The following MEF2C variants were observed in gnomAD, a reference collection of about 807,000 sequenced individuals.
MEF2C encodes myocyte-specific enhancer factor 2C.
Under a neutral mutation model 50.5 loss-of-function variants are expected in MEF2C, and 6 were observed. The ratio of observed to expected loss-of-function variants is 0.12; its 90% CI spans 0.07 to 0.23. The LOEUF (loss-of-function observed/expected upper bound fraction) is 0.23, where lower values mean the gene tolerates loss of function less well. Ranked by LOEUF, MEF2C falls within the 10% of genes least tolerant of loss-of-function variation. The pLI is 1.00. For synonymous variants in MEF2C, 183 were observed against 228.0 expected (o/e 0.80, Z 1.78); for missense variants, 276 against 605.0 (o/e 0.46, Z 5.70).
intron 2 of MEF2C, among the ~76,000 whole-genome samples, chr5:88,810,157 A>G (rs1160656154): frequency 2.0e-5 from 3 of 152,114 alleles, no homozygotes; most frequent in Non-Finnish European, 2.9e-5. Flanking sequence ...TTTATGTTAG[A>G]GTAGATGCTT....
intron 3 of MEF2C, among the ~76,000 whole-genome samples, chr5:88,788,745 A>G (rs971164709): frequency 5.9e-5 from 9 of 152,212 alleles, no homozygotes; most frequent in African/African-American, 2.2e-4. Flanking sequence ...ATGCAGATCT[A>G]TGTCTTTTCA....
At chr5:88,869,296 C>CATATATATATATATATATAT (rs1561421061) in intron 1 of MEF2C, among the ~76,000 whole-genome samples, 9 of 104,844 alleles carry the variant, frequency 8.6e-5, no homozygotes, top group East Asian at 7.8e-4. Flanking sequence ...TATATATATA[C>CATATATATATATATATATAT]ACATATATAT....
chr5:88,775,772 T>C (rs1784466513), intron 3 of MEF2C: 1 of 973,784 alleles, frequency 1.0e-6, no homozygotes, highest in Non-Finnish European at 1.2e-6. Flanking sequence ...ACCTTGGATT[T>C]CACATGATGC....
At chr5:88,874,648 A>G (rs963961029) in intron 1 of MEF2C, among the ~76,000 whole-genome samples, 1 of 151,910 alleles carries the variant, frequency 6.6e-6, no homozygotes, top group African/African-American at 2.4e-5. Context: ...ACAGAAAAAT[A>G]AATGCTTGAT....
intron 1 of MEF2C, among the ~76,000 whole-genome samples, chr5:88,864,468 C>T (rs547046661): frequency 6.6e-6 from 1 of 151,616 alleles, no homozygotes; most frequent in South Asian, 2.1e-4. Context: ...GGGAGTGGAA[C>T]TTGGGCATTG....
rs536707985 is a variant in MEF2C, at chr5:88,717,851, AG to A, written c.*4752del. ...TAGAAATTACTTCGAAGAAGAAAAA[AG>A]GAACTCTTTTGGAAACACTTTCTAC... is the stretch of plus-strand genomic sequence containing the variant. On this transcript the variant is annotated 3_prime_UTR_variant, in exon 11 of 11. Coordinates refer to ENST00000504921, the MANE Select transcript of MEF2C (RefSeq NM_002397.5). 89 of 152,348 alleles carry A rather than the reference AG, an allele frequency of 5.8e-4. No homozygotes were observed. The highest frequency in any genetic ancestry group is 2.1e-3 in the African/African-American group (87 of 41,594). The allele number at this position is 152,348 out of a possible 1,614,324, so 9.4% of individuals were successfully genotyped here.
intron 6 of MEF2C, among the ~76,000 whole-genome samples, chr5:88,746,035 G>C (rs145404679): frequency 2.0e-5 from 3 of 152,218 alleles, no homozygotes; most frequent in Non-Finnish European, 2.9e-5. Context: ...CCGGGTTCTT[G>C]ATAGCAGTGG....
At chr5:88,732,843 C>T (rs924075661) in intron 6 of MEF2C, among the ~76,000 whole-genome samples, 1 of 152,210 alleles carries the variant, frequency 6.6e-6, no homozygotes, top group Non-Finnish European at 1.5e-5. Flanking sequence ...CCTGATTCAA[C>T]AATCCTTGCT....
intron 4 of MEF2C, chr5:88,760,873 G>T: frequency 8.8e-7 from 1 of 1,138,348 alleles, no homozygotes; most frequent in Non-Finnish European, 1.2e-6. Flanking sequence ...GGGATGAGAT[G>T]GCTATTTATC....
At chr5:88,847,728 A>C (rs1819839003) in intron 1 of MEF2C, among the ~76,000 whole-genome samples, 1 of 152,094 alleles carries the variant, frequency 6.6e-6, no homozygotes, top group Non-Finnish European at 1.5e-5. Context: ...AAAAAGGGAG[A>C]GAGAATAATC....
intron 3 of MEF2C, among the ~76,000 whole-genome samples, chr5:88,778,067 G>A (rs1186787667): frequency 6.6e-6 from 1 of 151,828 alleles, no homozygotes; most frequent in Non-Finnish European, 1.5e-5. Context: ...ACCACGCCCG[G>A]CTAATTTTGT....
rs1452519769 is a variant in MEF2C at position 88,719,712 on chromosome 5, A to T, written c.*2892T>A. 1.3e-5 allele frequency: 2 copies of T among 152,218 alleles called. No homozygotes were observed. Among genetic ancestry groups the T allele is most frequent in the Non-Finnish European group, 2.9e-5 (2 of 68,010 alleles). 9.4% of individuals were successfully genotyped at this position (152,218 alleles called of 1,614,324 possible). On this transcript the variant is annotated 3_prime_UTR_variant, in exon 11 of 11. Transcript: ENST00000504921. ...GTAAAGATAGACCAAGATTGTTTAC[A>T]GAAAGTGACTCATCAAAATCAAAAT... is the stretch of plus-strand genomic sequence containing the variant.
rs543543025 is a variant in MEF2C, at chr5:88,742,710, C to T, written c.637+6360G>A. ...TACAACATCCTGACTTAACCTGTAA[C>T]ATTTTTCATTTGTCTTGTCTTTGAC... On this transcript the variant is annotated intron_variant, in intron 6 of 10. Coordinates refer to ENST00000504921, the MANE Select transcript of MEF2C (RefSeq NM_002397.5). The T allele has an allele frequency of 3.8e-5, 37 of 985,242 alleles. No individual in the cohort carries two copies. In the South Asian group the frequency reaches 1.6e-3, roughly 41 times the overall value. 61.0% of individuals were successfully genotyped at this position (985,242 alleles called of 1,614,324 possible). A position where few individuals can be genotyped will look rare whatever the true frequency, so the allele number is the denominator to read the frequency against.
At chr5:88,838,623 C>T in intron 1 of MEF2C, 1 of 985,252 alleles carries the variant, frequency 1.0e-6, no homozygotes, top group Non-Finnish European at 1.2e-6. Context: ...TTGAAGCAGT[C>T]ATTTTGCTTT....
At chr5:88,856,855 C>A (rs1823600224) in intron 1 of MEF2C, among the ~76,000 whole-genome samples, 2 of 152,226 alleles carry the variant, frequency 1.3e-5, no homozygotes. Context: ...CCTCATGGAG[C>A]TGCTAGGGCA....
chr5:88,829,782 T>C (rs993478424), intron 1 of MEF2C, among the ~76,000 whole-genome samples: 1 of 152,014 alleles, frequency 6.6e-6, no homozygotes, highest in African/African-American at 2.4e-5. Context: ...ACTTGGACGC[T>C]GTGTGACTCC....
At chr5:88,789,728 A>T (rs1792831613) in intron 3 of MEF2C, among the ~76,000 whole-genome samples, 1 of 152,202 alleles carries the variant, frequency 6.6e-6, no homozygotes, top group African/African-American at 2.4e-5. Context: ...CCAGGTGGTT[A>T]AATTTCAGAG....
chr5:88,731,725 T>G lies in MEF2C; in HGVS notation c.810+4A>C. The G allele has an allele frequency of 1.2e-6, 2 of 1,612,164 alleles. No individual in the cohort carries two copies. The highest frequency in any genetic ancestry group is 1.7e-6 in the Non-Finnish European group (2 of 1,178,490). ...TATTTATTTAAAATGTAGTTTTGTA[T>G]TACCACTGATGGCATCGTATTCTTG... On this transcript the variant is annotated splice_donor_region_variant and intron_variant, in intron 7 of 10. Transcript: ENST00000504921.
chr5:88,885,218 C>G (rs542795848), upstream of MEF2C, among the ~76,000 whole-genome samples: 31 of 152,244 alleles, frequency 2.0e-4, no homozygotes, highest in Non-Finnish European at 3.2e-4. Context: ...GTTCAAAAAG[C>G]CTCCTGCTTC....
Sources: allele counts gnomAD v4.1 joint callset (sites outside exome capture counted in the v4.1 genomes callset), GRCh38; gene constraint gnomAD v4.1.1; transcripts MANE v1.5; gene names NCBI Gene and HGNC (gene_info 2026-07-23, HGNC 2026-07-21).